The following OTUD4 variants were observed in gnomAD, a reference collection of about 807,000 sequenced individuals.
OTUD4 encodes OTU deubiquitinase 4, also known as OTU domain-containing protein 4.
Under a neutral mutation model 130.4 loss-of-function variants are expected in OTUD4, and 24 were observed. The observed-to-expected ratio is 0.18, with a 90% CI of 0.13 to 0.26. The LOEUF (loss-of-function observed/expected upper bound fraction) is 0.26, where lower values mean the gene tolerates loss of function less well. OTUD4 is among the 10% of genes least tolerant of loss of function. OTUD4 has a pLI of 1.00. For missense variants in OTUD4, 1,031 were observed against 1,329.4 expected, an observed-to-expected ratio of 0.78 and a Z score of 3.49; for synonymous variants, 420 against 472.5, an observed-to-expected ratio of 0.89 and a Z score of 1.44.
At chr4:145,164,466 G>A (rs982990955) in intron 4 of OTUD4, among the ~76,000 whole-genome samples, 6 of 151,746 alleles carry the variant, frequency 4.0e-5, no homozygotes, top group African/African-American at 1.5e-4. Context: ...ATTCTAAAGG[G>A]ACACTTCAAA....
intron 3 of OTUD4, among the ~76,000 whole-genome samples, chr4:145,168,746 G>A (rs1378814605): frequency 1.3e-5 from 2 of 152,262 alleles, no homozygotes; most frequent in African/African-American, 2.4e-5. Context: ...AAAAAGTTTG[G>A]CAGTTTCTTA....
At chr4:145,147,241 ATGT>A (rs1192009317) in intron 13 of OTUD4, among the ~76,000 whole-genome samples, 5 of 152,146 alleles carry the variant, frequency 3.3e-5, no homozygotes, top group Admixed American at 6.5e-5. Flanking sequence ...GAGCACTATG[ATGT>A]TATCTGATTT....
chr4:145,152,571 C>T lies in OTUD4; in HGVS notation c.938G>A (p.Gly313Glu), dbSNP rs1426154666. ...TCCCAGTTCTTCAACCAAAACTGGTCCATTCTCAGAATGAATTCCTTGAAC... is the reference window on the plus strand; with the variant it reads ...TCCCAGTTCTTCAACCAAAACTGGTTCATTCTCAGAATGAATTCCTTGAAC... ...ADVQGIHSEN[G>E]PVLVEELGKK... The change falls in exon 11 of 21, where the codon GGA becomes GAA. Residue 313 changes from glycine to glutamate, a missense_variant. Transcript: ENST00000447906. The T allele has an allele frequency of 6.2e-7, 1 of 1,610,034 alleles. No individual in the cohort carries two copies. Among genetic ancestry groups the T allele is most frequent in the Non-Finnish European group, 8.5e-7 (1 of 1,176,540 alleles).
At position 145,154,880 on chromosome 4, in the gene OTUD4, T is replaced by C. The variant is rs1373473008; in HGVS notation, c.873+531A>G. Among the ~76,000 whole-genome samples the C allele has an allele frequency of 6.6e-5, 10 of 152,286 alleles. No homozygotes were observed. In the East Asian group the frequency reaches 1.7e-3, roughly 26 times the overall value. ...GGCAGAGTGAGGGTTAACCACTAGT[T>C]TAAGAAACACTGATTTTAATCCAAC... On this transcript the variant is annotated intron_variant, in intron 10 of 20. Coordinates refer to ENST00000447906, the MANE Select transcript of OTUD4 (RefSeq NM_001366057.1).
At position 145,137,337 on chromosome 4, in the gene OTUD4, C is replaced by G; in HGVS notation, c.*93G>C. On this transcript the variant is annotated 3_prime_UTR_variant, in exon 21 of 21. Transcript: ENST00000447906. ...GGGGGCTGGGGAGAGGAAAGAGTTC[C>G]AACTGCGGTTTTTACTTTATTGTAT... is the stretch of plus-strand genomic sequence containing the variant. 9.3e-7 allele frequency: 1 copy of G among 1,070,966 alleles called. No individual in the cohort carries two copies. Among genetic ancestry groups the G allele is most frequent in the Non-Finnish European group, 1.4e-6 (1 of 731,414 alleles). 66.3% of individuals were successfully genotyped at this position (1,070,966 alleles called of 1,614,324 possible).
intron 3 of OTUD4, chr4:145,171,259 G>C (rs1752149817): frequency 6.4e-6 from 1 of 156,214 alleles, no homozygotes; most frequent in Non-Finnish European, 1.4e-5. Context: ...GGAGGCGGAG[G>C]CTGCAGTGAG....
rs1750230171 is a variant in OTUD4 at position 145,136,041 on chromosome 4, T to C, written c.*1389A>G. The C allele has an allele frequency of 6.6e-6, 1 of 152,630 alleles. No homozygotes were observed. The highest frequency in any genetic ancestry group is 1.5e-5 in the Non-Finnish European group (1 of 68,028). 9.5% of individuals were successfully genotyped at this position (152,630 alleles called of 1,614,324 possible). ...ATTACACATGGCATGCAAAGAGAAA[T>C]TACTACTATGTTATTTGCATAGCAC... On this transcript the variant is annotated 3_prime_UTR_variant, in exon 21 of 21. Transcript: ENST00000447906.
intron 2 of OTUD4, among the ~76,000 whole-genome samples, chr4:145,172,119 T>G (rs752279613): frequency 6.6e-6 from 1 of 152,060 alleles, no homozygotes; most frequent in East Asian, 1.9e-4. Flanking sequence ...TGGAACTGAG[T>G]GGGAGAAGAA....
In OTUD4 at chr4:145,134,067, A is replaced by G. The variant is rs992504543; in HGVS notation, c.*3363T>C. On this transcript the variant is annotated 3_prime_UTR_variant, in exon 21 of 21. Transcript: ENST00000447906. ...AGTTGCCGCTTCCCAGCATTAAGAC[A>G]TGCACCCACCCCTCTTCTAAGATTT... is the stretch of plus-strand genomic sequence containing the variant. 2 of 152,624 alleles carry G rather than the reference A, an allele frequency of 1.3e-5. No homozygotes were observed. The highest frequency in any genetic ancestry group is 4.8e-5 in the African/African-American group (2 of 41,444). 9.5% of individuals were successfully genotyped at this position (152,624 alleles called of 1,614,324 possible).
intron 1 of OTUD4, among the ~76,000 whole-genome samples, chr4:145,176,018 T>A (rs1386705847): frequency 6.6e-6 from 1 of 150,870 alleles, no homozygotes; most frequent in Non-Finnish European, 1.5e-5. Context: ...GGAGCTGCCA[T>A]GTCCGGCTAA....
chr4:145,174,515 A>C (rs1752329713), intron 2 of OTUD4, 146 bp downstream of exon 2: 1 of 578,534 alleles, frequency 1.7e-6, no homozygotes, highest in Admixed American at 3.0e-5. Flanking sequence ...TAACTAGATT[A>C]AGTTCAATAG....
intron 1 of OTUD4, among the ~76,000 whole-genome samples, chr4:145,176,312 C>CA (rs891540731): frequency 4.0e-5 from 6 of 151,514 alleles, no homozygotes; most frequent in African/African-American, 9.7e-5. Context: ...AAAAAAAACT[C>CA]AGACACACTT....
chr4:145,172,097 G>A (rs1032796468), intron 2 of OTUD4, among the ~76,000 whole-genome samples: 9 of 152,236 alleles, frequency 5.9e-5, no homozygotes, highest in African/African-American at 2.2e-4. Context: ...GCTGGAGCAG[G>A]ACAACCTGTT....
intron 13 of OTUD4, 129 bp downstream of exon 13, chr4:145,150,384 C>T: frequency 1.8e-6 from 1 of 570,948 alleles, no homozygotes. Context: ...ATACAAAATG[C>T]TCTTAATACT....
At chr4:145,154,773 T>A (rs1751207130) in intron 10 of OTUD4, among the ~76,000 whole-genome samples, 1 of 148,574 alleles carries the variant, frequency 6.7e-6, no homozygotes, top group African/African-American at 2.5e-5. Flanking sequence ...CCACTAGATG[T>A]CAGTAGCACC....
intron 10 of OTUD4, among the ~76,000 whole-genome samples, chr4:145,152,884 CTTTT>C (rs34004833): frequency 2.8e-5 from 4 of 143,034 alleles, no homozygotes; most frequent in Admixed American, 7.0e-5. Flanking sequence ...CCACACTCGG[CTTTT>C]TTTTTTTTTC....
chr4:145,161,360 C>G (rs187788156), intron 6 of OTUD4, among the ~76,000 whole-genome samples: 1 of 152,286 alleles, frequency 6.6e-6, no homozygotes, highest in Admixed American at 6.5e-5. Flanking sequence ...GCCCAGGGTA[C>G]AGAGGCTACA....
intron 7 of OTUD4, among the ~76,000 whole-genome samples, chr4:145,158,368 G>C (rs1474381652): frequency 6.6e-6 from 1 of 152,080 alleles, no homozygotes; most frequent in Non-Finnish European, 1.5e-5. Flanking sequence ...TGTAGTCCCA[G>C]CTACTTGGGA....
At chr4:145,144,544 C>G in intron 14 of OTUD4, 110 bp from the exon 15 acceptor site, 2 of 1,056,394 alleles carry the variant, frequency 1.9e-6, no homozygotes, top group South Asian at 1.4e-5. Context: ...TTAAAATTCA[C>G]AGCCCTGTAT....
Sources: allele counts gnomAD v4.1 joint callset (sites outside exome capture counted in the v4.1 genomes callset), GRCh38; gene constraint gnomAD v4.1.1; transcripts MANE v1.5; gene names NCBI Gene and HGNC (gene_info 2026-07-23, HGNC 2026-07-21).